The following FSTL4 variants were observed in gnomAD, a reference collection of about 807,000 sequenced individuals.
FSTL4 encodes the protein follistatin-related protein 4.
FSTL4 carries 28 observed loss-of-function variants against 78.2 expected under a neutral mutation model. The ratio of observed to expected loss-of-function variants is 0.36; its 90% CI spans 0.27 to 0.49. The LOEUF (loss-of-function observed/expected upper bound fraction) is 0.49, where lower values mean the gene tolerates loss of function less well. FSTL4 is among the 20% of genes least tolerant of loss of function. The pLI is 0.98. For missense variants in FSTL4, 922 were observed against 1,084.9 expected (o/e 0.85, Z 2.11); for synonymous variants, 422 against 440.5 (o/e 0.96, Z 0.53).
chr5:133,693,909 G>T, the FSTL4 span, among the ~76,000 whole-genome samples: 1 of 152,060 alleles, frequency 6.6e-6, no homozygotes, highest in Non-Finnish European at 1.5e-5. Flanking sequence ...ACTGGTTGTT[G>T]CCCACCCACA....
At chr5:133,213,721 C>G (rs1435915634) in intron 13 of FSTL4, among the ~76,000 whole-genome samples, 2 of 151,830 alleles carry the variant, frequency 1.3e-5, no homozygotes, top group Admixed American at 1.3e-4. Context: ...ACAGGTAGGT[C>G]AAATAACAAA....
chr5:133,839,326 T>A, the FSTL4 span, among the ~76,000 whole-genome samples: 4 of 152,216 alleles, frequency 2.6e-5, no homozygotes, highest in Non-Finnish European at 5.9e-5. Flanking sequence ...TGCAGATGAG[T>A]ACTGCACAAA....
chr5:133,306,380 T>A (rs1753657472), intron 6 of FSTL4, among the ~76,000 whole-genome samples: 1 of 152,236 alleles, frequency 6.6e-6, no homozygotes, highest in South Asian at 2.1e-4. Flanking sequence ...ACCAGAGCAC[T>A]TACTCTGAGG....
the FSTL4 span, among the ~76,000 whole-genome samples, chr5:133,735,752 C>T: frequency 2.6e-5 from 4 of 152,164 alleles, no homozygotes; most frequent in East Asian, 1.9e-4. Context: ...GTCTCTATAA[C>T]AATGTGGATT....
chr5:133,657,590 C>T, the FSTL4 span, among the ~76,000 whole-genome samples: 1 of 151,970 alleles, frequency 6.6e-6, no homozygotes, highest in East Asian at 1.9e-4. Flanking sequence ...CCATAGGCAC[C>T]TTCTCTAATG....
At chr5:133,293,730 T>C (rs910608794) in intron 6 of FSTL4, among the ~76,000 whole-genome samples, 47 of 152,284 alleles carry the variant, frequency 3.1e-4, no homozygotes, top group Admixed American at 6.5e-4. Flanking sequence ...AACCACATCC[T>C]GAAGGTGTCC....
chr5:133,597,291 A>G (rs750688466), intron 2 of FSTL4, among the ~76,000 whole-genome samples: 12 of 152,106 alleles, frequency 7.9e-5, no homozygotes, highest in Admixed American at 5.9e-4. Context: ...GACGACATTT[A>G]CTTCCATCCA....
chr5:133,490,307 A>G (rs911976015), intron 3 of FSTL4, among the ~76,000 whole-genome samples: 13 of 152,162 alleles, frequency 8.5e-5, no homozygotes, highest in Non-Finnish European at 1.9e-4. Context: ...TAATTCACAT[A>G]GAACAGTCTC....
At chr5:133,797,689 A>G in the FSTL4 span, among the ~76,000 whole-genome samples, 1 of 152,050 alleles carries the variant, frequency 6.6e-6, no homozygotes, top group Non-Finnish European at 1.5e-5. Context: ...TTTTTAATTT[A>G]CAGTCTTCTC....
At chr5:133,221,667 A>G (rs929023370) in intron 11 of FSTL4, among the ~76,000 whole-genome samples, 5 of 152,116 alleles carry the variant, frequency 3.3e-5, no homozygotes, top group Admixed American at 6.5e-5. Context: ...TGGGCCCTGC[A>G]TTCTGGCCTC....
At chr5:133,457,057 G>A (rs1757506989) in intron 3 of FSTL4, among the ~76,000 whole-genome samples, 3 of 151,862 alleles carry the variant, frequency 2.0e-5, no homozygotes, top group African/African-American at 4.8e-5. Context: ...TGCACTGGGT[G>A]GAATTTACAA....
intron 3 of FSTL4, among the ~76,000 whole-genome samples, chr5:133,521,785 G>C (rs754906416): frequency 1.3e-5 from 2 of 152,164 alleles, no homozygotes; most frequent in Non-Finnish European, 2.9e-5. Context: ...TGGAGAGGCA[G>C]AGTGAGCAGC....
At chr5:133,599,612 C>T (rs1760811662) in intron 2 of FSTL4, among the ~76,000 whole-genome samples, 1 of 152,190 alleles carries the variant, frequency 6.6e-6, no homozygotes, top group Admixed American at 6.5e-5. Flanking sequence ...GGGTAAGAGT[C>T]GTTTAGAAAA....
At chr5:133,623,394 G>A in the FSTL4 span, among the ~76,000 whole-genome samples, 3 of 151,944 alleles carry the variant, frequency 2.0e-5, no homozygotes, top group Non-Finnish European at 4.4e-5. Flanking sequence ...ACTATACAAT[G>A]GAGAAAGAAC....
the FSTL4 span, among the ~76,000 whole-genome samples, chr5:133,633,238 C>T: frequency 1.3e-5 from 2 of 151,784 alleles, no homozygotes; most frequent in Non-Finnish European, 2.9e-5. Flanking sequence ...TCAGCCCTGC[C>T]CTCTTTCTCC....
intron 3 of FSTL4, among the ~76,000 whole-genome samples, chr5:133,507,457 G>A (rs963927876): frequency 9.2e-5 from 14 of 151,602 alleles, no homozygotes; most frequent in South Asian, 2.1e-4. Context: ...AAGTAACTAC[G>A]TACAGTCGGC....
At chr5:133,335,674 C>G (rs1754448241) in intron 4 of FSTL4, among the ~76,000 whole-genome samples, 1 of 145,754 alleles carries the variant, frequency 6.9e-6, no homozygotes, top group Non-Finnish European at 1.5e-5. Flanking sequence ...TCTCCCCTCC[C>G]CTTTCTTGGG....
intron 3 of FSTL4, among the ~76,000 whole-genome samples, chr5:133,475,858 C>G (rs1757916786): frequency 1.3e-5 from 2 of 152,178 alleles, no homozygotes; most frequent in South Asian, 4.1e-4. Context: ...ACCTCTGCTA[C>G]CCTGCTCTCA....
chr5:133,535,909 A>G (rs1326966925), intron 3 of FSTL4, among the ~76,000 whole-genome samples: 1 of 152,208 alleles, frequency 6.6e-6, no homozygotes, highest in Non-Finnish European at 1.5e-5. Context: ...GTTTTGTGTC[A>G]TAATAGTGCA....
Sources: allele counts gnomAD v4.1 joint callset (sites outside exome capture counted in the v4.1 genomes callset), GRCh38; gene constraint gnomAD v4.1.1; transcripts MANE v1.5; gene names NCBI Gene and HGNC (gene_info 2026-07-23, HGNC 2026-07-21).